The following PDIA5 variants were observed in gnomAD, a reference collection of about 807,000 sequenced individuals.
PDIA5 encodes the protein protein disulfide-isomerase A5.
A neutral mutation model predicts 77.6 loss-of-function variants in PDIA5; 58 were observed. The ratio of observed to expected loss-of-function variants is 0.75; its 90% CI spans 0.61 to 0.93. PDIA5 has a LOEUF of 0.93. Ranked by LOEUF, PDIA5 falls within the 40% of genes least tolerant of loss-of-function variation. The probability of loss-of-function intolerance (pLI) is 0.00; values close to 1 mark genes in which losing one functional copy is unlikely to be tolerated. For missense variants in PDIA5, 630 were observed against 647.7 expected, an observed-to-expected ratio of 0.97 and a Z score of 0.30; for synonymous variants, 250 against 252.1, an observed-to-expected ratio of 0.99 and a Z score of 0.08.
intron 11 of PDIA5, among the ~76,000 whole-genome samples, chr3:123,141,710 G>A (rs1487744465): frequency 2.6e-5 from 4 of 152,242 alleles, no homozygotes; most frequent in Admixed American, 1.3e-4. Context: ...CATCCTGACC[G>A]TGGCCCCAAA....
At chr3:123,089,771 A>G (rs1426531560) in intron 2 of PDIA5, among the ~76,000 whole-genome samples, 1 of 152,206 alleles carries the variant, frequency 6.6e-6, no homozygotes, top group Non-Finnish European at 1.5e-5. Context: ...TGCCCAGTCC[A>G]TCTGTCCTGC....
At chr3:123,148,568 TAA>T (rs144004309) in intron 13 of PDIA5, among the ~76,000 whole-genome samples, 19 of 142,518 alleles carry the variant, frequency 1.3e-4, no homozygotes, top group East Asian at 4.0e-4. Context: ...GACCCTGTCT[TAA>T]AAAAAAAAAA....
At chr3:123,082,252 C>T (rs1364017341) in intron 1 of PDIA5, among the ~76,000 whole-genome samples, 2 of 152,086 alleles carry the variant, frequency 1.3e-5, no homozygotes, top group African/African-American at 4.8e-5. Flanking sequence ...GTTGTGCCAT[C>T]TGTTGCAGCA....
intron 3 of PDIA5, among the ~76,000 whole-genome samples, chr3:123,097,807 C>T (rs1462522722): frequency 6.6e-6 from 1 of 152,094 alleles, no homozygotes; most frequent in South Asian, 2.1e-4. Context: ...CATGTTAGAC[C>T]AGGGCTGGTG....
intron 11 of PDIA5, among the ~76,000 whole-genome samples, chr3:123,144,084 C>T (rs1325755433): frequency 6.6e-6 from 1 of 152,134 alleles, no homozygotes; most frequent in Non-Finnish European, 1.5e-5. Context: ...GTTCATGTCT[C>T]ACCTGGAGCT....
At chr3:123,071,947 A>T (rs984663787) in intron 1 of PDIA5, among the ~76,000 whole-genome samples, 1 of 152,154 alleles carries the variant, frequency 6.6e-6, no homozygotes, top group Non-Finnish European at 1.5e-5. Flanking sequence ...GCCAGGCTGG[A>T]TGGAGGGAGG....
intron 11 of PDIA5, among the ~76,000 whole-genome samples, chr3:123,133,372 A>G (rs998757495): frequency 1.4e-4 from 21 of 152,222 alleles, no homozygotes; most frequent in African/African-American, 5.1e-4. Context: ...GAGACAGACC[A>G]TTTTAGAGAC....
intron 10 of PDIA5, among the ~76,000 whole-genome samples, chr3:123,125,166 C>G (rs75747351): frequency 2.0e-5 from 3 of 152,226 alleles, no homozygotes; most frequent in Non-Finnish European, 4.4e-5. Flanking sequence ...GCACCCTACT[C>G]AGGCTGCGCT....
intron 8 of PDIA5, among the ~76,000 whole-genome samples, chr3:123,120,493 C>T (rs1041347945): frequency 6.6e-6 from 1 of 152,240 alleles, no homozygotes; most frequent in Non-Finnish European, 1.5e-5. Context: ...TTCCTTCCAC[C>T]GGCTAGATGG....
At chr3:123,086,251 G>A (rs976980882) in intron 1 of PDIA5, among the ~76,000 whole-genome samples, 5 of 152,178 alleles carry the variant, frequency 3.3e-5, no homozygotes, top group East Asian at 1.9e-4. Context: ...TATAAAACAC[G>A]TTCAATAAAT....
intron 2 of PDIA5, among the ~76,000 whole-genome samples, chr3:123,090,850 C>T (rs558991214): frequency 1.3e-5 from 2 of 152,276 alleles, no homozygotes; most frequent in Admixed American, 6.5e-5. Context: ...CAGCCTACCT[C>T]CTGCTTTCAT....
chr3:123,100,690 A>G (rs927259111), intron 3 of PDIA5, among the ~76,000 whole-genome samples: 2 of 152,348 alleles, frequency 1.3e-5, no homozygotes, highest in South Asian at 4.1e-4. Context: ...CTCCAGTAAG[A>G]CATGCTTCTT....
At chr3:123,160,482 G>A (rs1043517804) in intron 15 of PDIA5, among the ~76,000 whole-genome samples, 1 of 152,148 alleles carries the variant, frequency 6.6e-6, no homozygotes, top group Non-Finnish European at 1.5e-5. Context: ...TGCTTCCCTG[G>A]TCTCCTCCTC....
chr3:123,100,161 G>A (rs539785872), intron 3 of PDIA5, among the ~76,000 whole-genome samples: 3 of 152,352 alleles, frequency 2.0e-5, no homozygotes, highest in South Asian at 4.1e-4. Context: ...TGCCATGTGA[G>A]TGGTTGTAAA....
At chr3:123,148,414 A>G (rs1935816164) in intron 13 of PDIA5, among the ~76,000 whole-genome samples, 2 of 151,936 alleles carry the variant, frequency 1.3e-5, no homozygotes, top group African/African-American at 4.8e-5. Context: ...CCGAAAATCA[A>G]AAAAATTACC....
chr3:123,160,867 G>A (rs961016789), intron 15 of PDIA5, among the ~76,000 whole-genome samples: 2 of 152,116 alleles, frequency 1.3e-5, no homozygotes, highest in Non-Finnish European at 2.9e-5. Context: ...TACTGTCCAG[G>A]CAAACCAAGA....
intron 1 of PDIA5, 153 bp downstream of exon 1, chr3:123,067,359 G>A: frequency 1.5e-6 from 1 of 653,522 alleles, no homozygotes; most frequent in Non-Finnish European, 2.2e-6. Flanking sequence ...GGCACTGGGT[G>A]CTACGCGGGA....
chr3:123,072,221 C>T (rs977359237), intron 1 of PDIA5, among the ~76,000 whole-genome samples: 24 of 152,222 alleles, frequency 1.6e-4, no homozygotes, highest in African/African-American at 5.8e-4. Context: ...GTGGAAAGAA[C>T]ATGGGCTTTT....
Position 123,124,167 on chromosome 3 carries a change from C to T in PDIA5, c.701+10C>T. ...CCATCTGCTATTTTGAGTACGTCCC[C>T]CACTTTCCTTCTAAAGCTCACCTCC... On this transcript the variant is annotated intron_variant, in intron 9 of 16. Transcript: ENST00000316218. 1 of 1,609,536 alleles carries T rather than the reference C, an allele frequency of 6.2e-7. No individual in the cohort carries two copies. The highest frequency in any genetic ancestry group is 8.5e-7 in the Non-Finnish European group (1 of 1,175,720).
Sources: allele counts gnomAD v4.1 joint callset (sites outside exome capture counted in the v4.1 genomes callset), GRCh38; gene constraint gnomAD v4.1.1; transcripts MANE v1.5; gene names NCBI Gene and HGNC (gene_info 2026-07-23, HGNC 2026-07-21).